Variants in SLC9A9 observed in about 807,000 individuals in gnomAD.
The protein encoded by SLC9A9 is sodium/hydrogen exchanger 9.
SLC9A9 carries 62 observed loss-of-function variants against 77.8 expected under a neutral mutation model. The observed-to-expected ratio is 0.80, with a 90% CI of 0.65 to 0.98. The LOEUF is 0.98. Among genes scored for constraint, SLC9A9 ranks in the 50% least tolerant of loss-of-function variants. SLC9A9 has a pLI of 0.00. For synonymous variants in SLC9A9, 320 were observed against 283.5 expected (o/e 1.13, Z -1.29); for missense variants, 775 against 774.9 (o/e 1.00, Z 0.00).
intron 4 of SLC9A9, among the ~76,000 whole-genome samples, chr3:143,764,562 G>A (rs942873697): frequency 1.3e-5 from 2 of 152,002 alleles, no homozygotes; most frequent in Non-Finnish European, 1.5e-5. Context: ...TCTTCATTAT[G>A]TCTGGGTTTG....
intron 6 of SLC9A9, among the ~76,000 whole-genome samples, chr3:143,605,065 G>A (rs559869382): frequency 1.5e-4 from 23 of 152,168 alleles, no homozygotes; most frequent in African/African-American, 4.6e-4. Flanking sequence ...CACATGGAGC[G>A]CATTATGTTC....
chr3:143,268,949 G>C lies in SLC9A9; in HGVS notation c.1636C>G (p.Pro546Ala). ...TCAGGTAATGTTGTAGTCAGCGGAG[G>C]ACCAGAGTGGGTTAAAATTGGTTTC... ...YLKPILTHSG[P>A]PLTTTLPEWC... The change falls in exon 15 of 16, where the codon CCT becomes GCT. Residue 546 changes from proline (P) to alanine (A), a missense_variant. Physicochemically the swap from Pro to Ala is conservative, Grantham distance 27. Coordinates refer to ENST00000316549, the MANE Select transcript of SLC9A9 (RefSeq NM_173653.4). The C allele has an allele frequency of 6.2e-7, 1 of 1,613,646 alleles. No homozygotes were observed. Among genetic ancestry groups the C allele is most frequent in the Non-Finnish European group, 8.5e-7 (1 of 1,179,746 alleles).
intron 6 of SLC9A9, among the ~76,000 whole-genome samples, chr3:143,637,003 T>C (rs2038534239): frequency 6.6e-6 from 1 of 152,170 alleles, no homozygotes; most frequent in African/African-American, 2.4e-5. Context: ...TTAAAATGAA[T>C]GTAAATTCAA....
intron 1 of SLC9A9, among the ~76,000 whole-genome samples, chr3:143,842,823 A>AC (rs1355883438): frequency 6.6e-6 from 1 of 152,186 alleles, no homozygotes; most frequent in Non-Finnish European, 1.5e-5. Flanking sequence ...GAGAGAACAG[A>AC]CTGGATATCA....
At chr3:143,514,800 CTCTA>C (rs2036176052) in intron 9 of SLC9A9, among the ~76,000 whole-genome samples, 1 of 152,200 alleles carries the variant, frequency 6.6e-6, no homozygotes, top group African/African-American at 2.4e-5. Flanking sequence ...TGGTTTTATC[CTCTA>C]TCCAGACCAC....
chr3:143,547,449 T>A (rs1318100150), intron 9 of SLC9A9, among the ~76,000 whole-genome samples: 1 of 152,222 alleles, frequency 6.6e-6, no homozygotes, highest in African/African-American at 2.4e-5. Flanking sequence ...AACCTGTTAC[T>A]CTTCCAGTCT....
chr3:143,696,666 T>A (rs973919117), intron 4 of SLC9A9, among the ~76,000 whole-genome samples: 1 of 152,202 alleles, frequency 6.6e-6, no homozygotes. Context: ...ATATAAACTT[T>A]GTGATCTGTC....
At chr3:143,837,786 G>T (rs1228269223) in intron 1 of SLC9A9, among the ~76,000 whole-genome samples, 1 of 152,158 alleles carries the variant, frequency 6.6e-6, no homozygotes, top group Non-Finnish European at 1.5e-5. Context: ...TTGCTAGGGA[G>T]CTTCTTAGAA....
At chr3:143,370,331 T>C (rs1464648968) in intron 13 of SLC9A9, among the ~76,000 whole-genome samples, 2 of 152,114 alleles carry the variant, frequency 1.3e-5, no homozygotes, top group Non-Finnish European at 2.9e-5. Flanking sequence ...ATAGAAGACA[T>C]ATGTTCCCTC....
chr3:143,563,802 T>C (rs779213688), intron 8 of SLC9A9, among the ~76,000 whole-genome samples: 2 of 152,192 alleles, frequency 1.3e-5, no homozygotes, highest in Non-Finnish European at 2.9e-5. Context: ...TCTCAGCACC[T>C]TCCAATTATA....
rs2108748747 is a variant in SLC9A9 at position 143,652,315 on chromosome 3, AG to A, written c.694del (p.Leu232CysfsTer11). The A allele has an allele frequency of 3.7e-6, 6 of 1,613,426 alleles. No homozygotes were observed. The highest frequency in any genetic ancestry group is 5.1e-6 in the Non-Finnish European group (6 of 1,179,708). On this transcript the variant is annotated frameshift_variant, in exon 6 of 16. Coordinates refer to ENST00000316549, the MANE Select transcript of SLC9A9 (RefSeq NM_173653.4). LOFTEE classifies it high-confidence loss of function. Reference protein sequence around the residue: ...IFHELHVDPDLYTLLFGESVL... With the variant: ...IFHELHVDPDXYTLLFGESVL... ...ACTCTCTCCAAACAAGAGTGTGTAC[AG>A]GTCAGGGTCGACGTGCAGTTCATGG...
At chr3:143,430,871 C>T (rs1485855372) in intron 12 of SLC9A9, among the ~76,000 whole-genome samples, 2 of 152,130 alleles carry the variant, frequency 1.3e-5, no homozygotes, top group African/African-American at 4.8e-5. Flanking sequence ...AAAGGGAGAG[C>T]TAGATTCACC....
At chr3:143,723,412 C>T (rs12629217) in intron 4 of SLC9A9, among the ~76,000 whole-genome samples, 42,275 of 151,962 alleles carry the variant, frequency 0.28, 6,642 homozygotes, top group East Asian at 0.62. Context: ...TTTAAGTTCA[C>T]TAAGAGGCCA....
Position 143,652,349 on chromosome 3 carries a change from C to A in SLC9A9, c.661G>T (p.Ala221Ser). Residue 221 changes from alanine to serine, a missense_variant, in exon 6 of 16, where the codon GCC becomes TCC. Physicochemically the swap from Ala to Ser is moderately conservative, Grantham distance 99 (BLOSUM62 1). Coordinates refer to ENST00000316549, the MANE Select transcript of SLC9A9 (RefSeq NM_173653.4). ...MSATDPVTVL[A>S]IFHELHVDPD... The stretch of plus-strand genomic sequence containing the variant: ...TCGACGTGCAGTTCATGGAAAATGG[C>A]CAGCACTGTCACTAGGAAGACACAC... The A allele has an allele frequency of 6.2e-7, 1 of 1,612,000 alleles. No homozygotes were observed. The highest frequency in any genetic ancestry group is 1.1e-5 in the South Asian group (1 of 90,592).
chr3:143,410,213 T>A (rs986472648), intron 12 of SLC9A9, among the ~76,000 whole-genome samples: 8 of 152,192 alleles, frequency 5.3e-5, no homozygotes, highest in African/African-American at 1.9e-4. Context: ...TCAGCCTAAA[T>A]TAAACGGTTT....
chr3:143,794,445 GT>G (rs149485985), intron 4 of SLC9A9, among the ~76,000 whole-genome samples: 2,084 of 152,154 alleles, frequency 0.014, 44 homozygotes, highest in African/African-American at 0.046. Context: ...TATATAACGT[GT>G]GACTTAGGGC....
chr3:143,488,705 TA>T (rs201368805), intron 11 of SLC9A9, among the ~76,000 whole-genome samples: 2 of 151,316 alleles, frequency 1.3e-5, no homozygotes, highest in Admixed American at 6.6e-5. Flanking sequence ...CATTTCATGA[TA>T]AAAAAAACAA....
chr3:143,452,272 A>G (rs945778207), intron 12 of SLC9A9, among the ~76,000 whole-genome samples: 3 of 152,278 alleles, frequency 2.0e-5, no homozygotes, highest in South Asian at 2.1e-4. Flanking sequence ...ACCTGACCTC[A>G]TGTGCCCATT....
intron 4 of SLC9A9, among the ~76,000 whole-genome samples, chr3:143,786,138 A>C (rs1211973031): frequency 2.0e-5 from 3 of 152,002 alleles, no homozygotes; most frequent in Non-Finnish European, 2.9e-5. Flanking sequence ...TACAGGCGTG[A>C]GCCACCGCGC....
Sources: gnomAD v4.1 joint callset for allele counts (sites outside exome capture counted in the v4.1 genomes callset) on GRCh38, gnomAD v4.1.1 for gene constraint, MANE v1.5 for transcripts, NCBI Gene and HGNC (gene_info 2026-07-23, HGNC 2026-07-21) for gene names.